The following SLX4IP variants were observed in gnomAD, a reference collection of about 807,000 sequenced individuals.
The protein encoded by SLX4IP is protein SLX4IP.
In SLX4IP, 34 loss-of-function variants were observed where a neutral mutation model predicts 32.9. The observed-to-expected ratio is 1.03, with a 90% CI of 0.79 to 1.38. The LOEUF (loss-of-function observed/expected upper bound fraction) is 1.38, where lower values mean the gene tolerates loss of function less well. SLX4IP is among the 40% of genes most tolerant of loss of function. SLX4IP has a pLI of 0.00. For missense variants in SLX4IP, 444 were observed against 479.0 expected (o/e 0.93, Z 0.68); for synonymous variants, 172 against 171.7 (o/e 1.00, Z -0.01).
chr20:10,452,526 C>A (rs1459616067), intron 1 of SLX4IP, among the ~76,000 whole-genome samples: 1 of 151,846 alleles, frequency 6.6e-6, no homozygotes, highest in African/African-American at 2.4e-5. Context: ...ATTAGCTGGG[C>A]GTGGTGGCAT....
chr20:10,529,066 A>G (rs2065963206), intron 2 of SLX4IP, among the ~76,000 whole-genome samples: 1 of 152,208 alleles, frequency 6.6e-6, no homozygotes, highest in Admixed American at 6.5e-5. Flanking sequence ...TTTGCTTTCC[A>G]TATTCTCTAT....
intron 2 of SLX4IP, among the ~76,000 whole-genome samples, chr20:10,478,602 T>C (rs1412916465): frequency 1.3e-5 from 2 of 152,236 alleles, no homozygotes; most frequent in African/African-American, 4.8e-5. Flanking sequence ...TTAACTATAT[T>C]ACATTTACTA....
At position 10,625,158 on chromosome 20, in the gene SLX4IP, A is replaced by C. The variant is rs1206285812; in HGVS notation, c.*1779A>C. Reference sequence around the variant, plus strand: ...GAGTGGAAACCGAGTACCTGGTAGAATGTGCATTTCCATGGCCCACTGTAG... The same window carrying C: ...GAGTGGAAACCGAGTACCTGGTAGACTGTGCATTTCCATGGCCCACTGTAG... On this transcript the variant is annotated 3_prime_UTR_variant, in exon 8 of 8. Coordinates refer to ENST00000334534, the MANE Select transcript of SLX4IP (RefSeq NM_001009608.3). 1 of 152,284 alleles carries C rather than the reference A, an allele frequency of 6.6e-6. No individual in the cohort carries two copies. Among genetic ancestry groups the C allele is most frequent in the Non-Finnish European group, 1.5e-5 (1 of 68,076 alleles). 9.4% of individuals were successfully genotyped at this position (152,284 alleles called of 1,614,324 possible).
chr20:10,508,260 G>A (rs2065776487), intron 2 of SLX4IP, among the ~76,000 whole-genome samples: 1 of 152,206 alleles, frequency 6.6e-6, no homozygotes. Context: ...GCTTAACACA[G>A]TGCTAGGCAC....
At chr20:10,486,697 G>A (rs545280160) in intron 2 of SLX4IP, among the ~76,000 whole-genome samples, 14 of 152,286 alleles carry the variant, frequency 9.2e-5, no homozygotes, top group Admixed American at 3.3e-4. Flanking sequence ...AAATGATCAT[G>A]CAGAGTATAT....
At chr20:10,586,019 C>A (rs1847679343) in intron 4 of SLX4IP, among the ~76,000 whole-genome samples, 1 of 152,146 alleles carries the variant, frequency 6.6e-6, no homozygotes, top group Admixed American at 6.5e-5. Context: ...AGCTACCACT[C>A]ATGTAGTCAA....
intron 2 of SLX4IP, among the ~76,000 whole-genome samples, chr20:10,534,484 G>A (rs945702340): frequency 1.3e-5 from 2 of 152,126 alleles, no homozygotes; most frequent in Non-Finnish European, 2.9e-5. Flanking sequence ...CAAGATAAAG[G>A]GTGAGTTGCC....
chr20:10,470,519 T>C (rs1180744957), intron 2 of SLX4IP, among the ~76,000 whole-genome samples: 1 of 152,220 alleles, frequency 6.6e-6, no homozygotes, highest in African/African-American at 2.4e-5. Flanking sequence ...GTGAGTGTCA[T>C]GTGACAAAAA....
At chr20:10,493,169 C>A (rs1015868968) in intron 2 of SLX4IP, among the ~76,000 whole-genome samples, 1 of 152,094 alleles carries the variant, frequency 6.6e-6, no homozygotes, top group Non-Finnish European at 1.5e-5. Context: ...GCCTTGGCTA[C>A]TCTGTGACCT....
chr20:10,621,317 GAA>G lies in SLX4IP; in HGVS notation c.411_412del (p.Arg138SerfsTer7), dbSNP rs772441207. 124 of 1,613,914 alleles carry G rather than the reference GAA, an allele frequency of 7.7e-5. No individual in the cohort carries two copies. The highest frequency in any genetic ancestry group is 1.1e-4 in the African/African-American group (8 of 74,920). On this transcript the variant is annotated frameshift_variant, in exon 7 of 8. Transcript: ENST00000334534. LOFTEE classifies it high-confidence loss of function. ...CCTTTGTTATCTTTTGGAGTAGACA[GAA>G]AGAGTTCTCCATGGAGTGTCTGATT... ...LLASQNEDLT[E>X]RVLHGVSDYF... is the part of the protein sequence containing the mutation.
At chr20:10,548,442 T>C (rs1484079715) in intron 2 of SLX4IP, among the ~76,000 whole-genome samples, 1 of 152,186 alleles carries the variant, frequency 6.6e-6, no homozygotes, top group Non-Finnish European at 1.5e-5. Context: ...GGTTTCACCA[T>C]GTTAGCCAGG....
intron 1 of SLX4IP, among the ~76,000 whole-genome samples, chr20:10,444,894 T>C (rs1359533934): frequency 1.3e-5 from 2 of 152,064 alleles, no homozygotes; most frequent in Admixed American, 1.3e-4. Flanking sequence ...GATACCAACA[T>C]GTAGACCATA....
chr20:10,585,373 C>T (rs939769755), intron 4 of SLX4IP, among the ~76,000 whole-genome samples: 9 of 152,068 alleles, frequency 5.9e-5, no homozygotes, highest in Admixed American at 3.9e-4. Flanking sequence ...CATGTGGGCC[C>T]CTCTTTCTCT....
intron 4 of SLX4IP, among the ~76,000 whole-genome samples, chr20:10,564,828 C>A (rs1422627710): frequency 6.6e-6 from 1 of 152,118 alleles, no homozygotes; most frequent in Non-Finnish European, 1.5e-5. Context: ...ACTGTCAATT[C>A]CCATCAATTC....
chr20:10,529,781 A>G (rs2065972090), intron 2 of SLX4IP, among the ~76,000 whole-genome samples: 2 of 152,124 alleles, frequency 1.3e-5, no homozygotes, highest in Admixed American at 6.6e-5. Context: ...CCTGAATATA[A>G]ACCACCTCAA....
chr20:10,536,097 A>G (rs1325451747), intron 2 of SLX4IP, among the ~76,000 whole-genome samples: 2 of 152,232 alleles, frequency 1.3e-5, no homozygotes, highest in Non-Finnish European at 2.9e-5. Flanking sequence ...CTCTTACGGT[A>G]TCTATAATTT....
At chr20:10,602,169 T>C (rs2122550231) in intron 6 of SLX4IP, among the ~76,000 whole-genome samples, 1 of 152,346 alleles carries the variant, frequency 6.6e-6, no homozygotes, top group Middle Eastern at 3.4e-3. Context: ...CACTGGAGGC[T>C]TTCATTGGGG....
intron 2 of SLX4IP, among the ~76,000 whole-genome samples, chr20:10,547,593 G>A (rs932382885): frequency 6.6e-6 from 1 of 152,200 alleles, no homozygotes; most frequent in Admixed American, 6.5e-5. Flanking sequence ...ATCTTGTTCT[G>A]CCTGATTGAC....
In SLX4IP at chr20:10,614,160, A is replaced by G. The variant is rs571096261; in HGVS notation, c.406-7154A>G. On this transcript the variant is annotated intron_variant, in intron 6 of 7. Coordinates refer to ENST00000334534, the MANE Select transcript of SLX4IP (RefSeq NM_001009608.3). ...ATCGGAGGCCTCGCGTTGCACGCCC[A>G]GCACCCAGTAAAGCCAGCCATTAAT... 5 of 948,242 alleles carry G rather than the reference A, an allele frequency of 5.3e-6. No individual in the cohort carries two copies. The South Asian group carries it at 5.7e-5, about 11-fold the overall frequency. The allele number at this position is 948,242 out of a possible 1,614,324, so 58.7% of individuals were successfully genotyped here.
Sources: allele counts gnomAD v4.1 joint callset (sites outside exome capture counted in the v4.1 genomes callset), GRCh38; gene constraint gnomAD v4.1.1; transcripts MANE v1.5; gene names NCBI Gene and HGNC (gene_info 2026-07-23, HGNC 2026-07-21).